NDUFS7: variants seen among roughly 807,000 people sequenced by gnomAD.
The protein encoded by NDUFS7 is NADH dehydrogenase [ubiquinone] iron-sulfur protein 7, mitochondrial.
In NDUFS7, 11 loss-of-function variants were observed where a neutral mutation model predicts 31.1. That is an observed-to-expected ratio of 0.35 (90% CI 0.22 to 0.59). The LOEUF is 0.59. Among genes scored for constraint, NDUFS7 ranks in the 20% least tolerant of loss-of-function variants. NDUFS7 has a pLI of 0.79. For synonymous variants in NDUFS7, 136 were observed against 127.9 expected (o/e 1.06, Z -0.43); for missense variants, 263 against 324.2 (o/e 0.81, Z 1.45).
Position 1,388,350 on chromosome 19 carries a change from G to T in NDUFS7, c.54-175G>T, listed in dbSNP as rs906600432. ...CATTCAAGTCTGGGCCATCATTGGG[G>T]GTCGGGGCGATGGCCGCATGGCTCC... On this transcript the variant is annotated intron_variant, in intron 2 of 7. Transcript: ENST00000233627. The T allele has an allele frequency of 1.4e-5, 9 of 658,588 alleles. No homozygotes were observed. The Admixed American group carries it at 1.5e-4, about 11-fold the overall frequency. The allele number at this position is 658,588 out of a possible 1,614,324, so 40.8% of individuals were successfully genotyped here. A position where few individuals can be genotyped will look rare whatever the true frequency, so the allele number is the denominator to read the frequency against.
At position 1,393,268 on chromosome 19, in the gene NDUFS7, A is replaced by C; in HGVS notation, c.482A>C (p.His161Pro). The change falls in exon 7 of 8, where the codon CAC becomes CCC. Residue 161 changes from histidine to proline, a missense_variant. By Grantham distance (77) the His-to-Pro change is moderately conservative (BLOSUM62 -2). Transcript: ENST00000233627. The surrounding 1 kb of genome is among the most constrained non-coding windows in gnomAD (Gnocchi z 7.3). ...GSCANGGGYY[H>P]YSYSVVRGCD... The stretch of plus-strand genomic sequence containing the variant: ...TGCGCCAACGGAGGAGGCTACTACC[A>C]CTATTCCTACTCGGTGGTGAGGGGC... 1 of 1,583,758 alleles carries C rather than the reference A, an allele frequency of 6.3e-7. No individual in the cohort carries two copies.
intron 4 of NDUFS7, chr19:1,389,224 T>G (rs773481033): frequency 6.0e-6 from 4 of 669,980 alleles, no homozygotes; most frequent in East Asian, 5.7e-5. Flanking sequence ...CATACACACA[T>G]GCACACTTGC....
intron 1 of NDUFS7, 23 bp downstream of exon 1, chr19:1,383,965 G>C: frequency 6.4e-7 from 1 of 1,560,398 alleles, no homozygotes; most frequent in Non-Finnish European, 8.7e-7. Flanking sequence ...CCGGCGGCGG[G>C]TGTGGGGCCG....
At position 1,395,482 on chromosome 19, in the gene NDUFS7, C is replaced by T. The variant is rs1235242159; in HGVS notation, c.636C>T (p.Arg212=). The T allele has an allele frequency of 6.3e-6, 10 of 1,581,412 alleles. No individual in the cohort carries two copies. Among genetic ancestry groups the T allele is most frequent in the Non-Finnish European group, 8.6e-6 (10 of 1,165,942 alleles). Residue 212 remains arginine, a synonymous_variant, in exon 8 of 8, where the codon CGC becomes CGT. Transcript: ENST00000233627. The stretch of plus-strand genomic sequence containing the variant: ...AGCGGAGGCTGCAGATCTGGTACCG[C>T]AGGTAGCGCCGCCGCCGCCGCCGCC... ...KRERRLQIWY[R]R
At chr19:1,388,275 G>A (rs569410051) in intron 2 of NDUFS7, 4 of 599,080 alleles carry the variant, frequency 6.7e-6, no homozygotes, top group South Asian at 3.9e-5. Flanking sequence ...TCCTGGGACC[G>A]TCCTTGCTTG....
intron 4 of NDUFS7, chr19:1,389,650 C>T (rs1247503060): frequency 5.3e-6 from 2 of 378,122 alleles, no homozygotes; most frequent in Non-Finnish European, 1.1e-5. Context: ...CGTTTAAAGC[C>T]TCCCCTGCCT....
intron 1 of NDUFS7, 101 bp downstream of exon 1, chr19:1,384,043 C>T: frequency 7.6e-7 from 1 of 1,310,732 alleles, no homozygotes. Flanking sequence ...GGCGTCGTGG[C>T]CGCGGTCCTC....
chr19:1,390,012 A>C (rs906073709), intron 4 of NDUFS7: 1 of 159,306 alleles, frequency 6.3e-6, no homozygotes, highest in African/African-American at 2.5e-5. Flanking sequence ...CTCCTGCCTC[A>C]GCCTCCTAAG....
In NDUFS7 at chr19:1,391,271, C is replaced by A; in HGVS notation, c.455+106C>A. The A allele has an allele frequency of 2.8e-6, 4 of 1,403,762 alleles. No individual in the cohort carries two copies. In the Admixed American group the frequency reaches 5.9e-5, roughly 21 times the overall value. 87.0% of individuals were successfully genotyped at this position (1,403,762 alleles called of 1,614,324 possible). A position where few individuals can be genotyped will look rare whatever the true frequency, so the allele number is the denominator to read the frequency against. On this transcript the variant is annotated intron_variant, in intron 6 of 7. Transcript: ENST00000233627. ...AGTGTCATCTACATTCAGTGAAATC[C>A]CACGTGGTCCCGGCGCTGCCCTTCA...
At chr19:1,389,931 G>A (rs1351755565) in intron 4 of NDUFS7, 1 of 204,978 alleles carries the variant, frequency 4.9e-6, no homozygotes, top group African/African-American at 2.4e-5. Context: ...TGAGACGGAG[G>A]CTCGCTCTGT....
At chr19:1,394,808 TTCCAC>T (rs1447401614) in intron 7 of NDUFS7, 1 of 1,172,970 alleles carries the variant, frequency 8.5e-7, no homozygotes, top group Non-Finnish European at 1.1e-6. Flanking sequence ...TCTCACCTGT[TTCCAC>T]TCCTGCTGTC....
At chr19:1,389,070 T>G in intron 4 of NDUFS7, 132 bp downstream of exon 4, 2 of 795,908 alleles carry the variant, frequency 2.5e-6, no homozygotes, top group Non-Finnish European at 4.3e-6. Flanking sequence ...CATGCGCACA[T>G]GTGCATGCAA....
chr19:1,384,070 C>T (rs2082491808), intron 1 of NDUFS7, 128 bp downstream of exon 1: 14 of 1,055,002 alleles, frequency 1.3e-5, no homozygotes, highest in Non-Finnish European at 1.7e-5. Context: ...CTTCTCCGAG[C>T]CGGCCGCTCC....
chr19:1,388,250 T>G (rs2082522852), intron 2 of NDUFS7: 1 of 589,806 alleles, frequency 1.7e-6, no homozygotes, highest in Non-Finnish European at 3.0e-6. Context: ...GCTGCCAGTT[T>G]CCTTCTGTGG....
At chr19:1,389,386 T>TGCAC (rs778600444) in intron 4 of NDUFS7, 21 of 461,932 alleles carry the variant, frequency 4.5e-5, no homozygotes, top group African/African-American at 3.6e-4. Flanking sequence ...TTGGCATGCA[T>TGCAC]GCACACAGGC....
chr19:1,384,113 C>T (rs1410028724), intron 1 of NDUFS7, 171 bp downstream of exon 1: 8 of 704,190 alleles, frequency 1.1e-5, no homozygotes, highest in Non-Finnish European at 1.7e-5. Flanking sequence ...GATGAACGGT[C>T]GCCGTTATTG....
At chr19:1,392,730 C>T (rs558454040) in intron 6 of NDUFS7, 60 of 187,992 alleles carry the variant, frequency 3.2e-4, no homozygotes, top group African/African-American at 1.3e-3. Context: ...TTTTCATAAC[C>T]GTCTCCCACT....
At chr19:1,389,709 A>G (rs1166741433) in intron 4 of NDUFS7, 9 of 354,942 alleles carry the variant, frequency 2.5e-5, no homozygotes, top group Admixed American at 2.2e-4. Context: ...CAGCGTGAGC[A>G]CGTGCAGCTC....
chr19:1,389,606 G>A (rs1321850146), intron 4 of NDUFS7: 3 of 436,988 alleles, frequency 6.9e-6, no homozygotes, highest in Non-Finnish European at 1.4e-5. Context: ...GTTAAAAGGA[G>A]CGCGTGTGAA....
Sources: allele counts gnomAD v4.1 joint callset, GRCh38; gene constraint gnomAD v4.1.1; non-coding constraint Gnocchi (gnomAD v3.1); transcripts MANE v1.5; gene names NCBI Gene and HGNC (gene_info 2026-07-23, HGNC 2026-07-21).